Variants in TBC1D19 observed in about 807,000 individuals in gnomAD.
TBC1D19 encodes the protein TBC1 domain family member 19.
In TBC1D19, 60 loss-of-function variants were observed where a neutral mutation model predicts 89.0. That is an observed-to-expected ratio of 0.67 (90% CI 0.55 to 0.84). The LOEUF (loss-of-function observed/expected upper bound fraction) is 0.84, where lower values mean the gene tolerates loss of function less well. Among genes scored for constraint, TBC1D19 ranks in the 40% least tolerant of loss-of-function variants. The pLI is 0.00. For missense variants in TBC1D19, 500 were observed against 610.8 expected, an observed-to-expected ratio of 0.82 and a Z score of 1.91; for synonymous variants, 189 against 199.7, an observed-to-expected ratio of 0.95 and a Z score of 0.45.
At chr4:26,695,827 C>T (rs1372740531) in intron 13 of TBC1D19, among the ~76,000 whole-genome samples, 3 of 152,110 alleles carry the variant, frequency 2.0e-5, no homozygotes, top group Non-Finnish European at 4.4e-5. Flanking sequence ...TTGTCACCAC[C>T]AGGCCTGCCC....
the TBC1D19 span, among the ~76,000 whole-genome samples, chr4:26,802,361 G>A: frequency 6.6e-6 from 1 of 152,154 alleles, no homozygotes; most frequent in Admixed American, 6.6e-5. Flanking sequence ...AGCACTTTGG[G>A]AGGCCGAGGC....
the TBC1D19 span, among the ~76,000 whole-genome samples, chr4:26,810,420 G>A: frequency 1.3e-5 from 2 of 152,150 alleles, no homozygotes; most frequent in African/African-American, 2.4e-5. Context: ...AGGCACCATG[G>A]ACTAAACTCT....
At chr4:26,834,582 G>A in the TBC1D19 span, among the ~76,000 whole-genome samples, 1 of 152,050 alleles carries the variant, frequency 6.6e-6, no homozygotes, top group Admixed American at 6.6e-5. Flanking sequence ...TATAGTGAAG[G>A]TCTGGTTTGA....
intron 17 of TBC1D19, among the ~76,000 whole-genome samples, chr4:26,741,670 G>A (rs973216675): frequency 1.3e-5 from 2 of 150,896 alleles, no homozygotes; most frequent in African/African-American, 4.9e-5. Flanking sequence ...CTTACGGGCA[G>A]TCACCACCTT....
chr4:26,784,540 G>A, the TBC1D19 span, among the ~76,000 whole-genome samples: 1 of 152,190 alleles, frequency 6.6e-6, no homozygotes, highest in Non-Finnish European at 1.5e-5. Context: ...ACCAGTGTAT[G>A]CTGGGCTGGT....
chr4:26,739,807 A>G, intron 16 of TBC1D19, 57 bp from the exon 17 acceptor site: 2 of 986,720 alleles, frequency 2.0e-6, no homozygotes, highest in Admixed American at 2.7e-5. Flanking sequence ...TATTTTATAA[A>G]TTTATCTTAA....
intron 18 of TBC1D19, among the ~76,000 whole-genome samples, chr4:26,747,163 G>A (rs1319766382): frequency 6.6e-6 from 1 of 152,160 alleles, no homozygotes; most frequent in Non-Finnish European, 1.5e-5. Context: ...ATAAATTATA[G>A]CACAATAAGC....
intron 16 of TBC1D19, 26 bp from the exon 17 acceptor site, chr4:26,739,838 A>G (rs1389379944): frequency 1.5e-6 from 2 of 1,323,866 alleles, no homozygotes; most frequent in East Asian, 5.0e-5. Context: ...GTTCTGCAGT[A>G]TTATAAATTA....
In TBC1D19 at chr4:26,654,762, T is replaced by C. The variant is rs149218229; in HGVS notation, c.481-4835T>C. On this transcript the variant is annotated intron_variant, in intron 7 of 20. Coordinates refer to ENST00000264866, the MANE Select transcript of TBC1D19 (RefSeq NM_018317.4). Reference sequence around the variant, plus strand: ...AAGGACTTCTCTGCATTGGTTATTCTAGTTAGTCATTTGTCTAATCTTTTT... The same window carrying C: ...AAGGACTTCTCTGCATTGGTTATTCCAGTTAGTCATTTGTCTAATCTTTTT... 7.8e-3 allele frequency among the ~76,000 whole-genome samples: 1,186 copies of C among 152,332 alleles called. 11 individuals carry two copies. Among genetic ancestry groups the C allele is most frequent in the African/African-American group, 0.027 (1,119 of 41,564 alleles).
the TBC1D19 span, among the ~76,000 whole-genome samples, chr4:26,778,604 G>T: frequency 6.6e-6 from 1 of 152,040 alleles, no homozygotes. Context: ...TTACCCTGCC[G>T]CCTGGGTCCT....
At chr4:26,799,756 C>T in the TBC1D19 span, among the ~76,000 whole-genome samples, 5 of 152,160 alleles carry the variant, frequency 3.3e-5, no homozygotes, top group Non-Finnish European at 7.3e-5. Context: ...TTTGCACTTT[C>T]CAGCCTCCAG....
intron 15 of TBC1D19, among the ~76,000 whole-genome samples, chr4:26,734,528 C>T (rs1338177943): frequency 6.6e-6 from 1 of 151,980 alleles, no homozygotes; most frequent in Non-Finnish European, 1.5e-5. Context: ...CCAAGTTAGG[C>T]TTTGAGTATT....
Position 26,738,987 on chromosome 4 carries a change from A to G in TBC1D19, c.1118-877A>G, listed in dbSNP as rs1718195123. ...TTACTTGTCCAATACATATTGTTTG[A>G]AATTACCCTGTAAGGCATTTTTTAT... is the stretch of plus-strand genomic sequence containing the variant. On this transcript the variant is annotated intron_variant, in intron 16 of 20. Transcript: ENST00000264866. 2.0e-5 allele frequency among the ~76,000 whole-genome samples: 3 copies of G among 152,202 alleles called. No homozygotes were observed. In the South Asian group the frequency reaches 6.2e-4, roughly 31 times the overall value.
chr4:26,776,954 G>A, the TBC1D19 span, among the ~76,000 whole-genome samples: 2 of 151,914 alleles, frequency 1.3e-5, no homozygotes, highest in Admixed American at 6.6e-5. Context: ...AGTTCATCGT[G>A]TGCTCTTTCA....
At chr4:26,655,348 G>A (rs1016948609) in intron 7 of TBC1D19, among the ~76,000 whole-genome samples, 7 of 152,210 alleles carry the variant, frequency 4.6e-5, no homozygotes, top group African/African-American at 7.2e-5. Context: ...CAGTCTATCC[G>A]TTCTCAGATC....
chr4:26,697,586 T>G (rs1193725173), intron 13 of TBC1D19, among the ~76,000 whole-genome samples: 1 of 151,302 alleles, frequency 6.6e-6, no homozygotes, highest in East Asian at 1.9e-4. Flanking sequence ...CCAATATCCC[T>G]GATCAACATT....
chr4:26,752,410 A>G (rs1261140519), intron 19 of TBC1D19, among the ~76,000 whole-genome samples: 2 of 151,578 alleles, frequency 1.3e-5, no homozygotes, highest in Middle Eastern at 3.4e-3. Flanking sequence ...TGGCTGGCTT[A>G]TTTTTTAAAT....
chr4:26,842,604 C>CTT, the TBC1D19 span, among the ~76,000 whole-genome samples: 6 of 118,886 alleles, frequency 5.0e-5, no homozygotes, highest in African/African-American at 9.8e-5. Flanking sequence ...TTCTTTCTTT[C>CTT]TTTCTTTCTT....
At position 26,671,963 on chromosome 4, in the gene TBC1D19, CTG is replaced by C. The variant is rs1340131070; in HGVS notation, c.665-184_665-183del. Among the ~76,000 whole-genome samples, 13 of 151,778 alleles carry C rather than the reference CTG, an allele frequency of 8.6e-5. No individual in the cohort carries two copies. In the South Asian group the frequency reaches 1.7e-3, roughly 19 times the overall value. Reference sequence around the variant, plus strand: ...TTTGTTTGATTAAATGCTCATAACTCTGTTTTAATTTTAAAAAATGTAGAAAA... The same window carrying C: ...TTTGTTTGATTAAATGCTCATAACTCTTTTAATTTTAAAAAATGTAGAAAA... On this transcript the variant is annotated intron_variant, in intron 9 of 20. Coordinates refer to ENST00000264866, the MANE Select transcript of TBC1D19 (RefSeq NM_018317.4).
Sources: allele counts gnomAD v4.1 joint callset (sites outside exome capture counted in the v4.1 genomes callset), GRCh38; gene constraint gnomAD v4.1.1; transcripts MANE v1.5; gene names NCBI Gene and HGNC (gene_info 2026-07-23, HGNC 2026-07-21).